UBR3: variants seen among roughly 807,000 people sequenced by gnomAD.
UBR3 encodes ubiquitin protein ligase E3 component n-recognin 3.
In UBR3, 85 loss-of-function variants were observed where a neutral mutation model predicts 243.2. The ratio of observed to expected loss-of-function variants is 0.35; its 90% CI spans 0.29 to 0.42. The LOEUF is 0.42. UBR3 is among the 10% of genes least tolerant of loss of function. The pLI is 1.00. For missense variants in UBR3, 1,686 were observed against 2,300.8 expected, an observed-to-expected ratio of 0.73 and a Z score of 5.47; for synonymous variants, 748 against 799.8, an observed-to-expected ratio of 0.94 and a Z score of 1.09.
intron 10 of UBR3, among the ~76,000 whole-genome samples, chr2:169,910,784 T>C (rs182569615): frequency 7.4e-4 from 112 of 152,324 alleles, no homozygotes; most frequent in African/African-American, 2.5e-3. Flanking sequence ...TTAAATGACT[T>C]AAGTTCACAT....
intron 24 of UBR3, among the ~76,000 whole-genome samples, chr2:169,971,415 A>G (rs1272525003): frequency 6.7e-6 from 1 of 149,614 alleles, no homozygotes; most frequent in Non-Finnish European, 1.5e-5. Context: ...CTATGTCCTG[A>G]ATGGTAATGC....
At chr2:169,959,189 CA>C (rs1210418741) in intron 24 of UBR3, among the ~76,000 whole-genome samples, 1 of 152,028 alleles carries the variant, frequency 6.6e-6, no homozygotes, top group Non-Finnish European at 1.5e-5. Flanking sequence ...TGCATTCAAG[CA>C]GGCATGTACA....
At chr2:169,893,725 C>T (rs1262686941) in intron 6 of UBR3, among the ~76,000 whole-genome samples, 1 of 152,024 alleles carries the variant, frequency 6.6e-6, no homozygotes, top group Non-Finnish European at 1.5e-5. Context: ...CCCCACCTGG[C>T]TGATTTTCGT....
At chr2:169,917,942 A>G (rs1301877505) in intron 11 of UBR3, among the ~76,000 whole-genome samples, 1 of 152,180 alleles carries the variant, frequency 6.6e-6, no homozygotes, top group Non-Finnish European at 1.5e-5. Flanking sequence ...ACCTCAGGTG[A>G]TCCACCCACC....
At chr2:169,898,571 C>G (rs1412542294) in intron 8 of UBR3, among the ~76,000 whole-genome samples, 3 of 151,976 alleles carry the variant, frequency 2.0e-5, no homozygotes, top group African/African-American at 7.3e-5. Context: ...AACTTCAAAG[C>G]CTGTACTCTT....
rs2091313996 is a variant in UBR3, at chr2:170,055,519, G to A, written c.4720G>A (p.Ala1574Thr). 1 of 1,613,798 alleles carries A rather than the reference G, an allele frequency of 6.2e-7. No homozygotes were observed. The highest frequency in any genetic ancestry group is 1.1e-5 in the South Asian group (1 of 91,076). ...CCTACTGTACACACAGGCTCTTGCAGCACTCTCAGTTAAATGCAGCGAAGA... is the reference window on the plus strand; with the variant it reads ...CCTACTGTACACACAGGCTCTTGCAACACTCTCAGTTAAATGCAGCGAAGA... ...FTLLYTQALAALSVKCSEEDR... is the reference protein window; with the variant it reads ...FTLLYTQALATLSVKCSEEDR... The change falls in exon 33 of 39, where the codon GCA becomes ACA. Residue 1574 changes from alanine to threonine, a missense_variant. By Grantham distance (58) the Ala-to-Thr change is moderately conservative. Around this residue, in one of 8 missense-constraint regions of UBR3, gnomAD observed 371 missense variants for 422.5 expected, o/e 0.88. Coordinates refer to ENST00000272793, the MANE Select transcript of UBR3 (RefSeq NM_172070.4).
intron 32 of UBR3, among the ~76,000 whole-genome samples, chr2:170,055,153 C>A (rs889154700): frequency 2.6e-5 from 4 of 152,124 alleles, no homozygotes; most frequent in Admixed American, 2.0e-4. Flanking sequence ...AAAAGCTAAT[C>A]AGGCGTAGTG....
At chr2:169,854,151 C>T (rs1418160065) in intron 1 of UBR3, among the ~76,000 whole-genome samples, 1 of 152,110 alleles carries the variant, frequency 6.6e-6, no homozygotes, top group East Asian at 1.9e-4. Context: ...CAAACTTGCA[C>T]ATTCTGCACA....
At chr2:170,071,392 T>A (rs2091694973) in intron 35 of UBR3, among the ~76,000 whole-genome samples, 1 of 152,174 alleles carries the variant, frequency 6.6e-6, no homozygotes, top group Non-Finnish European at 1.5e-5. Context: ...GCCAGGTACA[T>A]AAGATTACAT....
At chr2:169,836,729 A>G (rs1212237561) in intron 1 of UBR3, among the ~76,000 whole-genome samples, 3 of 151,430 alleles carry the variant, frequency 2.0e-5, no homozygotes, top group Non-Finnish European at 2.9e-5. Flanking sequence ...TTTAAAATTT[A>G]TATTTTCTTG....
intron 25 of UBR3, among the ~76,000 whole-genome samples, chr2:169,993,183 T>C (rs2089348636): frequency 6.6e-6 from 1 of 152,242 alleles, no homozygotes; most frequent in Admixed American, 6.5e-5. Flanking sequence ...TTTTGTTTCT[T>C]ATTTACTTGA....
chr2:169,838,735 C>G (rs2082196831), intron 1 of UBR3, among the ~76,000 whole-genome samples: 1 of 152,144 alleles, frequency 6.6e-6, no homozygotes. Context: ...CTCCAGAAGT[C>G]TTAACTTGTT....
At chr2:170,025,212 G>A (rs781322069) in intron 30 of UBR3, among the ~76,000 whole-genome samples, 12 of 152,130 alleles carry the variant, frequency 7.9e-5, no homozygotes, top group Non-Finnish European at 1.6e-4. Context: ...CTTCTTCAGG[G>A]AGATCTGACC....
At chr2:169,874,932 C>T (rs76324824) in intron 2 of UBR3, among the ~76,000 whole-genome samples, 6,105 of 151,868 alleles carry the variant, frequency 0.04, 179 homozygotes, top group East Asian at 0.11. Context: ...CCTTTTAGAC[C>T]TCGGCTTCTG....
At chr2:169,856,660 G>A (rs556487190) in intron 1 of UBR3, among the ~76,000 whole-genome samples, 4 of 152,278 alleles carry the variant, frequency 2.6e-5, no homozygotes, top group South Asian at 4.1e-4. Context: ...GCGAAACCCC[G>A]TCTCCACCAA....
chr2:170,040,842 A>T (rs1203186932), intron 31 of UBR3, 40 bp from the exon 32 acceptor site: 1 of 1,427,838 alleles, frequency 7.0e-7, no homozygotes, highest in South Asian at 1.2e-5. Flanking sequence ...GAAAGAGAAG[A>T]TATACAATAC....
intron 1 of UBR3, among the ~76,000 whole-genome samples, chr2:169,861,054 T>C (rs2083071373): frequency 6.6e-6 from 1 of 152,314 alleles, no homozygotes; most frequent in East Asian, 1.9e-4. Context: ...TCTGGAAGAC[T>C]CAGCAAGTCT....
chr2:169,910,726 C>G (rs62170318), intron 10 of UBR3, among the ~76,000 whole-genome samples: 6,726 of 152,168 alleles, frequency 0.044, 181 homozygotes, highest in Non-Finnish European at 0.069. Context: ...ATCTAACATT[C>G]ATTGCATCTC....
intron 1 of UBR3, among the ~76,000 whole-genome samples, chr2:169,844,940 T>A (rs2105287761): frequency 6.6e-6 from 1 of 152,312 alleles, no homozygotes; most frequent in East Asian, 1.9e-4. Flanking sequence ...CCTAGTCTTT[T>A]TATGGTTTCT....
Sources: gnomAD v4.1 joint callset for allele counts (sites outside exome capture counted in the v4.1 genomes callset) on GRCh38, gnomAD v4.1.1 for gene constraint, gnomAD v4.1.1 regional missense constraint, MANE v1.5 for transcripts, NCBI Gene and HGNC (gene_info 2026-07-23, HGNC 2026-07-21) for gene names.